FAF1: variants seen among roughly 807,000 people sequenced by gnomAD.
FAF1 encodes Fas associated factor 1, also known as FAS-associated factor 1.
FAF1 carries 25 observed loss-of-function variants against 92.5 expected under a neutral mutation model. That is an observed-to-expected ratio of 0.27 (90% CI 0.20 to 0.38). The LOEUF (loss-of-function observed/expected upper bound fraction) is 0.38. Among genes scored for constraint, FAF1 ranks in the 10% least tolerant of loss-of-function variants. The probability of loss-of-function intolerance (pLI) is 1.00; values close to 1 mark genes in which losing one functional copy is unlikely to be tolerated. For missense variants in FAF1, 636 were observed against 793.3 expected, an observed-to-expected ratio of 0.80 and a Z score of 2.38; for synonymous variants, 234 against 273.2, an observed-to-expected ratio of 0.86 and a Z score of 1.42.
chr1:50,848,876 T>C (rs1027050038), intron 2 of FAF1, among the ~76,000 whole-genome samples: 3 of 152,192 alleles, frequency 2.0e-5, no homozygotes, highest in Non-Finnish European at 2.9e-5. Flanking sequence ...ACTAAATGTA[T>C]TGTAGACATT....
At chr1:50,708,103 C>T (rs775846609) in intron 6 of FAF1, among the ~76,000 whole-genome samples, 2 of 152,104 alleles carry the variant, frequency 1.3e-5, no homozygotes, top group Non-Finnish European at 2.9e-5. Flanking sequence ...CCACAGCGCC[C>T]GGCCCGCCCC....
At chr1:50,940,464 T>C (rs540404041) in intron 1 of FAF1, among the ~76,000 whole-genome samples, 2 of 152,340 alleles carry the variant, frequency 1.3e-5, no homozygotes, top group South Asian at 4.1e-4. Context: ...GGTCTCAATA[T>C]GTCGTCTAAG....
chr1:50,554,380 T>TAGAGAG (rs1464718969), intron 13 of FAF1, among the ~76,000 whole-genome samples: 3 of 99,444 alleles, frequency 3.0e-5, no homozygotes, highest in African/African-American at 1.5e-4. Context: ...TATATATATA[T>TAGAGAG]ATATATATAT....
At chr1:50,455,879 C>G (rs1291481283) in intron 18 of FAF1, among the ~76,000 whole-genome samples, 1 of 151,948 alleles carries the variant, frequency 6.6e-6, no homozygotes, top group African/African-American at 2.4e-5. Context: ...TCGAGACCAG[C>G]CAGGCCAACA....
intron 2 of FAF1, among the ~76,000 whole-genome samples, chr1:50,822,301 G>A (rs953963159): frequency 4.6e-5 from 7 of 152,052 alleles, no homozygotes; most frequent in East Asian, 1.9e-4. Flanking sequence ...TGGTCCAGAC[G>A]AAATTAAACA....
chr1:50,779,494 C>G (rs532118027), intron 4 of FAF1, among the ~76,000 whole-genome samples: 2 of 151,988 alleles, frequency 1.3e-5, no homozygotes, highest in Non-Finnish European at 2.9e-5. Context: ...AGAACTGATA[C>G]TGTGTTAGCA....
intron 1 of FAF1, among the ~76,000 whole-genome samples, chr1:50,929,349 A>C (rs948556167): frequency 6.6e-6 from 1 of 152,138 alleles, no homozygotes; most frequent in Non-Finnish European, 1.5e-5. Context: ...TAGTATATAA[A>C]TTTTATCCTG....
At chr1:50,841,251 T>G (rs1430796365) in intron 2 of FAF1, among the ~76,000 whole-genome samples, 1 of 152,028 alleles carries the variant, frequency 6.6e-6, no homozygotes, top group Non-Finnish European at 1.5e-5. Context: ...TATATAAAAT[T>G]TTGTCTTCAA....
chr1:50,574,652 A>T (rs1650625751), intron 12 of FAF1, among the ~76,000 whole-genome samples: 1 of 152,142 alleles, frequency 6.6e-6, no homozygotes, highest in Non-Finnish European at 1.5e-5. Flanking sequence ...ACTTATATCT[A>T]CTTCCACATT....
At chr1:50,687,172 C>T (rs140872840) in intron 7 of FAF1, among the ~76,000 whole-genome samples, 3 of 152,122 alleles carry the variant, frequency 2.0e-5, no homozygotes, top group African/African-American at 4.8e-5. Context: ...GCATAATTCC[C>T]GATTCTCTAG....
At chr1:50,765,267 A>T (rs1206922768) in intron 4 of FAF1, among the ~76,000 whole-genome samples, 1 of 152,026 alleles carries the variant, frequency 6.6e-6, no homozygotes, top group African/African-American at 2.4e-5. Flanking sequence ...CTTTACACAC[A>T]CTCTATCTGC....
intron 18 of FAF1, among the ~76,000 whole-genome samples, chr1:50,474,582 C>T (rs144208374): frequency 6.6e-6 from 1 of 152,214 alleles, no homozygotes; most frequent in East Asian, 1.9e-4. Flanking sequence ...TGGGATTACA[C>T]CTCTAAAACA....
At chr1:50,475,405 T>G in intron 18 of FAF1, 59 bp downstream of exon 18, 1 of 1,375,028 alleles carries the variant, frequency 7.3e-7, no homozygotes, top group Non-Finnish European at 1.0e-6. Context: ...TTTGTTCAGC[T>G]TTAATGATGG....
At chr1:50,931,720 CAAA>C (rs1174458890) in intron 1 of FAF1, among the ~76,000 whole-genome samples, 1 of 151,360 alleles carries the variant, frequency 6.6e-6, no homozygotes, top group Admixed American at 6.6e-5. Flanking sequence ...ACAACAACAA[CAAA>C]AAAATTAGCC....
intron 18 of FAF1, among the ~76,000 whole-genome samples, chr1:50,470,188 C>T (rs1236115939): frequency 6.6e-6 from 1 of 152,152 alleles, no homozygotes; most frequent in African/African-American, 2.4e-5. Flanking sequence ...CTGGTGCTTG[C>T]AGCTGCAATT....
At chr1:50,569,186 A>C (rs376175716) in intron 12 of FAF1, among the ~76,000 whole-genome samples, 1 of 152,070 alleles carries the variant, frequency 6.6e-6, no homozygotes, top group East Asian at 1.9e-4. Flanking sequence ...GCCTCTATGA[A>C]ACCTTCCGTG....
At chr1:50,932,494 C>T (rs937939293) in intron 1 of FAF1, among the ~76,000 whole-genome samples, 26 of 152,230 alleles carry the variant, frequency 1.7e-4, no homozygotes, top group African/African-American at 6.0e-4. Context: ...CCAGGTCTCA[C>T]ATTCAGGTCA....
At chr1:50,684,237 T>C (rs985376779) in intron 7 of FAF1, among the ~76,000 whole-genome samples, 2 of 149,382 alleles carry the variant, frequency 1.3e-5, no homozygotes, top group Non-Finnish European at 3.0e-5. Context: ...GTGTGTTTAA[T>C]AGCCTTGATT....
chr1:50,919,680 G>A (rs565188244), intron 1 of FAF1, among the ~76,000 whole-genome samples: 1 of 152,086 alleles, frequency 6.6e-6, no homozygotes, highest in South Asian at 2.1e-4. Context: ...GTAGAGACAG[G>A]GTTTCACCAT....
Sources: gnomAD v4.1 joint callset for allele counts (sites outside exome capture counted in the v4.1 genomes callset) on GRCh38, gnomAD v4.1.1 for gene constraint, MANE v1.5 for transcripts, NCBI Gene and HGNC (gene_info 2026-07-23, HGNC 2026-07-21) for gene names.